The following PADI3 variants were observed in gnomAD, a reference collection of about 807,000 sequenced individuals.
The protein encoded by PADI3 is protein-arginine deiminase type-3.
Under a neutral mutation model 71.5 loss-of-function variants are expected in PADI3, and 53 were observed. The ratio of observed to expected loss-of-function variants is 0.74; its 90% CI spans 0.59 to 0.93. PADI3 has a LOEUF of 0.93. Ranked by LOEUF, PADI3 falls within the 40% of genes least tolerant of loss-of-function variation. The pLI is 0.00. For missense variants in PADI3, 821 were observed against 868.0 expected, an observed-to-expected ratio of 0.95 and a Z score of 0.68; for synonymous variants, 361 against 347.5, an observed-to-expected ratio of 1.04 and a Z score of -0.43.
chr1:17,281,743 G>A (rs1273646814), intron 15 of PADI3, among the ~76,000 whole-genome samples: 3 of 152,218 alleles, frequency 2.0e-5, no homozygotes, highest in African/African-American at 4.8e-5. Context: ...GGAAGCCACC[G>A]TGCTTGGCCT....
At chr1:17,252,234 C>A (rs895538053) in intron 1 of PADI3, among the ~76,000 whole-genome samples, 1 of 152,086 alleles carries the variant, frequency 6.6e-6, no homozygotes, top group African/African-American at 2.4e-5. Context: ...GGTGGTCTGA[C>A]AAGTGCTATC....
chr1:17,265,976 C>G (rs1231810005), intron 4 of PADI3, among the ~76,000 whole-genome samples: 4 of 152,192 alleles, frequency 2.6e-5, no homozygotes, highest in Admixed American at 2.6e-4. Flanking sequence ...CTTCTGGACT[C>G]ATAAACTAGG....
intron 1 of PADI3, among the ~76,000 whole-genome samples, chr1:17,256,727 G>A (rs1223719109): frequency 1.3e-5 from 2 of 152,162 alleles, no homozygotes; most frequent in Non-Finnish European, 2.9e-5. Flanking sequence ...TGGGGTTGAG[G>A]GAGTTCCATA....
chr1:17,265,041 C>A (rs1282332237), intron 3 of PADI3, among the ~76,000 whole-genome samples: 2 of 151,260 alleles, frequency 1.3e-5, no homozygotes, highest in Non-Finnish European at 2.9e-5. Flanking sequence ...CTAATGTATT[C>A]TTTCTTCTCT....
At position 17,282,442 on chromosome 1, in the gene PADI3, G is replaced by A. The variant is rs182355280; in HGVS notation, c.1762-404G>A. The stretch of plus-strand genomic sequence containing the variant: ...GGCCATGCACAGAGACACTGACACG[G>A]GCAGAGACCAACTAGACGCTCCCAT... On this transcript the variant is annotated intron_variant, in intron 15 of 15. Transcript: ENST00000375460. Among the ~76,000 whole-genome samples, 196 of 152,242 alleles carry A rather than the reference G, an allele frequency of 1.3e-3. 1 individual carries two copies. Among genetic ancestry groups the A allele is most frequent in the African/African-American group, 4.1e-3 (171 of 41,530 alleles).
intron 7 of PADI3, 25 bp downstream of exon 7, chr1:17,270,436 G>A (rs1330188715): frequency 6.3e-7 from 1 of 1,595,864 alleles, no homozygotes. Context: ...GGTTCAAGAG[G>A]AGCTCCACTC....
chr1:17,261,951 A>G (rs1414873936), intron 2 of PADI3, among the ~76,000 whole-genome samples, 182 bp from the exon 3 acceptor site: 2 of 152,332 alleles, frequency 1.3e-5, no homozygotes, highest in South Asian at 4.1e-4. Flanking sequence ...AGCTCTCACA[A>G]ATAGCTCCCA....
chr1:17,265,755 T>G (rs2073160147), intron 4 of PADI3, 35 bp downstream of exon 4: 2 of 1,592,732 alleles, frequency 1.3e-6, no homozygotes, highest in African/African-American at 2.7e-5. Flanking sequence ...GAAGCAGGAG[T>G]GCAGTTGGAG....
chr1:17,270,167 T>A, intron 6 of PADI3, 66 bp from the exon 7 acceptor site: 1 of 1,519,458 alleles, frequency 6.6e-7, no homozygotes, highest in Non-Finnish European at 8.8e-7. Flanking sequence ...CCTCTTCCTG[T>A]GTCCCTCATA....
rs1233056894 is a variant in PADI3, at chr1:17,283,680, G to T, written c.*601G>T. On this transcript the variant is annotated 3_prime_UTR_variant, in exon 16 of 16. Coordinates refer to ENST00000375460, the MANE Select transcript of PADI3 (RefSeq NM_016233.2). ...CTCACCCAGCGTGAGCTGTCACATA[G>T]TAGGAGCTTCTAGATGCATGTGGAA... 1 of 152,158 alleles carries T rather than the reference G, an allele frequency of 6.6e-6. No homozygotes were observed. The highest frequency in any genetic ancestry group is 1.5e-5 in the Non-Finnish European group (1 of 68,240). 9.4% of individuals were successfully genotyped at this position (152,158 alleles called of 1,614,324 possible).
intron 9 of PADI3, among the ~76,000 whole-genome samples, chr1:17,271,571 C>T (rs2073251929): frequency 6.6e-6 from 1 of 152,036 alleles, no homozygotes. Context: ...CAGTCCCACG[C>T]CTCAGTAGTG....
At chr1:17,276,483 G>A (rs1160420567) in intron 11 of PADI3, 36 bp from the exon 12 acceptor site, 9 of 1,611,952 alleles carry the variant, frequency 5.6e-6, no homozygotes, top group Non-Finnish European at 7.6e-6. Flanking sequence ...AGTCTTTTTA[G>A]TTAAGCAACT....
At chr1:17,280,308 G>T in intron 13 of PADI3, 42 bp from the exon 14 acceptor site, 1 of 1,504,690 alleles carries the variant, frequency 6.6e-7, no homozygotes, top group Non-Finnish European at 9.3e-7. Context: ...TCCTCACGTT[G>T]GTGCTGTCCC....
At position 17,273,353 on chromosome 1, in the gene PADI3, T is replaced by C. The variant is rs931325744; in HGVS notation, c.1061T>C (p.Leu354Pro). ...CCTCACTTGCAGGATGAGATGGAGC[T>C]GGGCTACGTTCAGGCGCCGCACAAG... ...NDRWIQDEME[L>P]GYVQAPHKTL... The change falls in exon 10 of 16, where the codon CTG (leucine) becomes CCG (proline). Residue 354 changes from leucine (L) to proline (P), a missense_variant. Transcript: ENST00000375460. 5.6e-6 allele frequency: 9 copies of C among 1,613,046 alleles called. No homozygotes were observed. The highest frequency in any genetic ancestry group is 7.6e-6 in the Non-Finnish European group (9 of 1,179,494).
At chr1:17,263,439 G>C (rs1436316825) in intron 3 of PADI3, among the ~76,000 whole-genome samples, 1 of 151,912 alleles carries the variant, frequency 6.6e-6, no homozygotes, top group Non-Finnish European at 1.5e-5. Flanking sequence ...TGCTTGTGTG[G>C]TTATCATGTG....
chr1:17,266,894 T>C (rs1335177985), intron 5 of PADI3, 58 bp downstream of exon 5: 6 of 1,317,494 alleles, frequency 4.6e-6, no homozygotes, highest in African/African-American at 4.3e-5. Context: ...AGTTACCCCA[T>C]GGGAGTTCCA....
intron 3 of PADI3, among the ~76,000 whole-genome samples, chr1:17,263,245 G>A (rs903788108): frequency 3.9e-5 from 6 of 152,186 alleles, no homozygotes; most frequent in African/African-American, 1.4e-4. Context: ...ACTTTACAGA[G>A]CTGATCCTAA....
chr1:17,253,839 A>G (rs1269326341), intron 1 of PADI3, among the ~76,000 whole-genome samples: 1 of 152,178 alleles, frequency 6.6e-6, no homozygotes, highest in Non-Finnish European at 1.5e-5. Flanking sequence ...TGTCATCTTG[A>G]GCAACTTTCT....
At chr1:17,280,306 T>C in intron 13 of PADI3, 44 bp from the exon 14 acceptor site, 1 of 1,498,996 alleles carries the variant, frequency 6.7e-7, no homozygotes, top group Non-Finnish European at 9.3e-7. Flanking sequence ...GGTCCTCACG[T>C]TGGTGCTGTC....
Sources: allele counts gnomAD v4.1 joint callset (sites outside exome capture counted in the v4.1 genomes callset), GRCh38; gene constraint gnomAD v4.1.1; transcripts MANE v1.5; gene names NCBI Gene and HGNC (gene_info 2026-07-23, HGNC 2026-07-21).